TNS3: variants seen among roughly 807,000 people sequenced by gnomAD.
TNS3 encodes the protein tensin-3.
In TNS3, 45 loss-of-function variants were observed where a neutral mutation model predicts 140.9. The observed-to-expected ratio is 0.32, with a 90% CI of 0.25 to 0.41. The LOEUF (loss-of-function observed/expected upper bound fraction) is 0.41. Ranked by LOEUF, TNS3 falls within the 10% of genes least tolerant of loss-of-function variation. The pLI is 1.00. For missense variants in TNS3, 1,716 were observed against 1,906.7 expected (o/e 0.90, Z 1.86); for synonymous variants, 815 against 788.4 (o/e 1.03, Z -0.56).
chr7:47,431,134 T>C (rs1794910569), intron 8 of TNS3, among the ~76,000 whole-genome samples: 2 of 152,062 alleles, frequency 1.3e-5, no homozygotes, highest in South Asian at 2.1e-4. Flanking sequence ...AAATAACTAC[T>C]GGGTCAAAGA....
intron 27 of TNS3, among the ~76,000 whole-genome samples, chr7:47,286,312 T>C (rs910504532): frequency 6.6e-6 from 1 of 152,152 alleles, no homozygotes; most frequent in Non-Finnish European, 1.5e-5. Flanking sequence ...TCTCCCCAAA[T>C]GCAGGAACTA....
At position 47,369,270 on chromosome 7, in the gene TNS3, G is replaced by A; in HGVS notation, c.1376C>T (p.Pro459Leu). 1.9e-6 allele frequency: 3 copies of A among 1,614,208 alleles called. No homozygotes were observed. The highest frequency in any genetic ancestry group is 1.3e-5 in the African/African-American group (1 of 75,068). Residue 459 changes from proline (P) to leucine (L), a missense_variant, in exon 17 of 31, where the codon CCA becomes CTA. Around this residue, in one of 3 missense-constraint regions of TNS3, gnomAD observed 1,163 missense variants for 1,182.1 expected, o/e 0.98. Transcript: ENST00000311160. Reference sequence around the variant, plus strand: ...GTCTCCATTCACGTGAACCTGGGCTGGCACCACGTGGCGGGTCCCACTGTA... The same window carrying A: ...GTCTCCATTCACGTGAACCTGGGCTAGCACCACGTGGCGGGTCCCACTGTA... ...SKYSGTRHVV[P>L]AQVHVNGDAA...
rs568833257 is a variant in TNS3 at position 47,361,434 on chromosome 7, A to T, written c.2281+6931T>A. 1.2e-4 allele frequency among the ~76,000 whole-genome samples: 19 copies of T among 152,110 alleles called. No individual in the cohort carries two copies. The East Asian group carries it at 3.7e-3, about 30-fold the overall frequency. On this transcript the variant is annotated intron_variant, in intron 17 of 30. Transcript: ENST00000311160. The stretch of plus-strand genomic sequence containing the variant: ...CCTGGTAAGGATCCCTCTGCCTCAC[A>T]AGGCCTGGCTGAGAGGCTCTGGCTG...
At chr7:47,569,016 A>G (rs1244313427) in intron 1 of TNS3, among the ~76,000 whole-genome samples, 3 of 152,248 alleles carry the variant, frequency 2.0e-5, no homozygotes, top group Admixed American at 1.3e-4. Context: ...GGATCTGAGC[A>G]GTTGCTCATC....
At chr7:47,477,185 CT>C (rs1389642224) in intron 4 of TNS3, among the ~76,000 whole-genome samples, 1 of 152,208 alleles carries the variant, frequency 6.6e-6, no homozygotes, top group Middle Eastern at 3.2e-3. Context: ...TCACTGCCTT[CT>C]TTCTGCCCTA....
chr7:47,515,573 C>T (rs1203590700), intron 2 of TNS3, among the ~76,000 whole-genome samples: 37 of 151,920 alleles, frequency 2.4e-4, no homozygotes, highest in Admixed American at 2.4e-3. Context: ...TCATCTCCAT[C>T]AATTACACCA....
chr7:47,563,602 C>T (rs73695392), intron 1 of TNS3, among the ~76,000 whole-genome samples: 3,630 of 152,302 alleles, frequency 0.024, 148 homozygotes, highest in African/African-American at 0.083. Context: ...AGCTCTGCCC[C>T]GCTTCTCCAG....
rs181958633 is a variant in TNS3, at chr7:47,342,087, A to G, written c.2650+2668T>C. Among the ~76,000 whole-genome samples the G allele has an allele frequency of 4.5e-3, 679 of 152,202 alleles. 7 individuals carry two copies. The highest frequency in any genetic ancestry group is 0.015 in the African/African-American group (629 of 41,526). On this transcript the variant is annotated intron_variant, in intron 20 of 30. Transcript: ENST00000311160. ...TTGGAGAACATGTTCTGCATGGTTC[A>G]GTTACTTTTAGTCCTCTGAAGATTG...
rs781398750 is a variant in TNS3 at position 47,369,646 on chromosome 7, G to A, written c.1025-25C>T. 13 of 1,529,228 alleles carry A rather than the reference G, an allele frequency of 8.5e-6. No individual in the cohort carries two copies. In the Admixed American group the frequency reaches 2.1e-4, roughly 24 times the overall value. 94.7% of individuals were successfully genotyped at this position (1,529,228 alleles called of 1,614,324 possible). On this transcript the variant is annotated intron_variant, in intron 16 of 30. Transcript: ENST00000311160. Reference sequence around the variant, plus strand: ...ACTGCGGGGGAGAAAACCGGAGAGAGGCTTTCAGTCAGGGATGAAAGTGAG... The same window carrying A: ...ACTGCGGGGGAGAAAACCGGAGAGAAGCTTTCAGTCAGGGATGAAAGTGAG...
At chr7:47,398,610 T>C (rs1252716343) in intron 15 of TNS3, among the ~76,000 whole-genome samples, 2 of 152,110 alleles carry the variant, frequency 1.3e-5, no homozygotes, top group Admixed American at 1.3e-4. Flanking sequence ...AGGCATTCGA[T>C]AAAATCTAGC....
At chr7:47,460,079 G>A (rs1796419118) in intron 4 of TNS3, among the ~76,000 whole-genome samples, 1 of 152,042 alleles carries the variant, frequency 6.6e-6, no homozygotes, top group Admixed American at 6.5e-5. Context: ...CATGCATGGT[G>A]GCGGGCTCCT....
intron 3 of TNS3, among the ~76,000 whole-genome samples, chr7:47,494,360 G>C (rs1333973332): frequency 6.7e-6 from 1 of 149,438 alleles, no homozygotes; most frequent in Non-Finnish European, 1.5e-5. Flanking sequence ...AGGTTCAATC[G>C]ACTCCCCTCC....
Position 47,389,104 on chromosome 7 carries a change from G to GAAGAAGAAGAAGAA in TNS3, c.1024+7695_1024+7696insTTCTTCTTCTTCTT, listed in dbSNP as rs1562675556. ...AAGAAGAGGAAGAGGAAGAGGAAGC[G>GAAGAAGAAGAAGAA]GAAGCAGAAGAAGAAGAAGAAGAAG... On this transcript the variant is annotated intron_variant, in intron 16 of 30. Transcript: ENST00000311160. Among the ~76,000 whole-genome samples, 5 of 29,978 alleles carry GAAGAAGAAGAAGAA rather than the reference G, an allele frequency of 1.7e-4. 1 individual carries two copies. The highest frequency in any genetic ancestry group is 1.0e-3 in the African/African-American group (5 of 4,942). 19.7% of individuals were successfully genotyped at this position (29,978 alleles called of 152,430 possible).
In TNS3 at chr7:47,414,146, G is replaced by T. The variant is rs1042730514; in HGVS notation, c.587-149C>A. The T allele has an allele frequency of 3.9e-6, 3 of 769,910 alleles. No individual in the cohort carries two copies. In the African/African-American group the frequency reaches 5.2e-5, roughly 13 times the overall value. 47.7% of individuals were successfully genotyped at this position (769,910 alleles called of 1,614,324 possible). A position where few individuals can be genotyped will look rare whatever the true frequency, so the allele number is the denominator to read the frequency against. On this transcript the variant is annotated intron_variant, in intron 11 of 30. Coordinates refer to ENST00000311160, the MANE Select transcript of TNS3 (RefSeq NM_022748.12). ...GGGAAAGCAGTGCATGGAGCCACAG[G>T]GTTGCTGCAGGAAAAGGCCGGACCC...
At chr7:47,503,464 G>A (rs1798301630) in intron 3 of TNS3, among the ~76,000 whole-genome samples, 1 of 152,060 alleles carries the variant, frequency 6.6e-6, no homozygotes, top group South Asian at 2.1e-4. Flanking sequence ...TGACAGCCAG[G>A]AAAAAAGCAA....
At chr7:47,517,291 T>G (rs1437795932) in intron 2 of TNS3, among the ~76,000 whole-genome samples, 1 of 152,064 alleles carries the variant, frequency 6.6e-6, no homozygotes, top group African/African-American at 2.4e-5. Flanking sequence ...ATCACACTCA[T>G]CTTACCAGGG....
At chr7:47,282,226 T>G (rs1344933530) in intron 28 of TNS3, among the ~76,000 whole-genome samples, 2 of 143,596 alleles carry the variant, frequency 1.4e-5, no homozygotes, top group East Asian at 4.3e-4. Context: ...TGACCCTGAG[T>G]CCACCATGCA....
chr7:47,303,636 C>G, intron 21 of TNS3, 52 bp from the exon 22 acceptor site: 1 of 1,503,490 alleles, frequency 6.7e-7, no homozygotes, highest in East Asian at 2.4e-5. Context: ...AAAGAGACAC[C>G]TGAAGACCAG....
At chr7:47,418,573 C>G (rs781194753) in intron 10 of TNS3, among the ~76,000 whole-genome samples, 2 of 152,226 alleles carry the variant, frequency 1.3e-5, no homozygotes, top group Non-Finnish European at 2.9e-5. Flanking sequence ...ATAAAAACAG[C>G]TCCATTATTT....
Sources: allele counts gnomAD v4.1 joint callset (sites outside exome capture counted in the v4.1 genomes callset), GRCh38; gene constraint gnomAD v4.1.1; regional missense constraint gnomAD v4.1.1; transcripts MANE v1.5; gene names NCBI Gene and HGNC (gene_info 2026-07-23, HGNC 2026-07-21).